The following PAXBP1 variants were observed in gnomAD, a reference collection of about 807,000 sequenced individuals.
The protein encoded by PAXBP1 is PAX3 and PAX7 binding protein 1, also known as PAX3- and PAX7-binding protein 1.
A neutral mutation model predicts 119.9 loss-of-function variants in PAXBP1; 44 were observed. The observed-to-expected ratio is 0.37, with a 90% CI of 0.29 to 0.47. The LOEUF (loss-of-function observed/expected upper bound fraction) is 0.47. Among genes scored for constraint, PAXBP1 ranks in the 20% least tolerant of loss-of-function variants. The pLI, the probability that PAXBP1 is intolerant of heterozygous loss-of-function variation, is 0.99. For missense variants in PAXBP1, 898 were observed against 1,134.1 expected (o/e 0.79, Z 2.99); for synonymous variants, 393 against 406.6 (o/e 0.97, Z 0.40).
intron 8 of PAXBP1, among the ~76,000 whole-genome samples, chr21:32,753,880 C>T (rs1013327422): frequency 6.6e-6 from 1 of 152,182 alleles, no homozygotes; most frequent in African/African-American, 2.4e-5. Flanking sequence ...ATGTACAGCT[C>T]ACACAAACCA....
At chr21:32,740,093 C>T (rs926313067) in intron 15 of PAXBP1, among the ~76,000 whole-genome samples, 1 of 152,046 alleles carries the variant, frequency 6.6e-6, no homozygotes, top group African/African-American at 2.4e-5. Flanking sequence ...AAGCTGGGGA[C>T]CCCGCTGAGG....
intron 15 of PAXBP1, among the ~76,000 whole-genome samples, chr21:32,742,007 G>C (rs1164916074): frequency 6.6e-6 from 1 of 152,178 alleles, no homozygotes; most frequent in Non-Finnish European, 1.5e-5. Context: ...AGTGGAAGCA[G>C]CCAGACTCAA....
rs1336549755 is a variant in PAXBP1 at position 32,771,615 on chromosome 21, C to G, written c.54G>C (p.Glu18Asp). 2.0e-6 allele frequency: 3 copies of G among 1,467,568 alleles called. No homozygotes were observed. Among genetic ancestry groups the G allele is most frequent in the Non-Finnish European group, 1.8e-6 (2 of 1,115,098 alleles). The allele number at this position is 1,467,568 out of a possible 1,614,324, so 90.9% of individuals were successfully genotyped here. Residue 18 changes from glutamate (E) to aspartate (D), a missense_variant, in exon 1 of 18, where the codon GAG becomes GAC. Physicochemically the swap from Glu to Asp is conservative, Grantham distance 45. This residue lies in a region of PAXBP1 where 299 missense variants were observed against 281.4 expected (regional missense o/e 1.06). Transcript: ENST00000331923. ...VNVRKRNDSEEEERERDEEQE... is the reference protein window; with the variant it reads ...VNVRKRNDSEDEERERDEEQE... ...GCTCCTCATCGCGTTCCCGCTCTTCCTCTTCGGAGTCGTTCCGCTTGCGCA... is the reference window on the plus strand; with the variant it reads ...GCTCCTCATCGCGTTCCCGCTCTTCGTCTTCGGAGTCGTTCCGCTTGCGCA...
chr21:32,748,967 C>T (rs552418398), intron 10 of PAXBP1, among the ~76,000 whole-genome samples: 10 of 152,248 alleles, frequency 6.6e-5, no homozygotes, highest in Non-Finnish European at 1.0e-4. Context: ...AACCTGTTCC[C>T]AAACAAGATG....
At chr21:32,740,000 T>A (rs952323064) in intron 15 of PAXBP1, among the ~76,000 whole-genome samples, 2 of 139,360 alleles carry the variant, frequency 1.4e-5, no homozygotes, top group Admixed American at 7.3e-5. Context: ...AACCCTTCCA[T>A]GACACATATA....
chr21:32,738,674 G>A (rs1402691407), intron 15 of PAXBP1, among the ~76,000 whole-genome samples: 3 of 151,524 alleles, frequency 2.0e-5, no homozygotes, highest in East Asian at 1.9e-4. Context: ...CCCCCACCCC[G>A]CCCCGCGCTG....
chr21:32,739,716 C>T (rs1327649428), intron 15 of PAXBP1, among the ~76,000 whole-genome samples: 1 of 151,464 alleles, frequency 6.6e-6, no homozygotes, highest in Non-Finnish European at 1.5e-5. Flanking sequence ...ACCATCCTGG[C>T]TAACATGATG....
intron 4 of PAXBP1, among the ~76,000 whole-genome samples, chr21:32,761,411 T>C (rs147419883): frequency 2.0e-5 from 3 of 152,174 alleles, no homozygotes; most frequent in Admixed American, 2.0e-4. Context: ...TCTGTAAACT[T>C]GACATCAACA....
chr21:32,738,917 C>T (rs1198736060), intron 15 of PAXBP1, among the ~76,000 whole-genome samples: 2 of 152,166 alleles, frequency 1.3e-5, no homozygotes, highest in Non-Finnish European at 2.9e-5. Context: ...CAGCTGCTTG[C>T]GGCAGAGGTC....
intron 15 of PAXBP1, chr21:32,741,762 G>A: frequency 2.1e-6 from 1 of 475,930 alleles, no homozygotes; most frequent in South Asian, 3.3e-5. Context: ...CCCGCCTGGG[G>A]CAACAGGGAT....
At chr21:32,762,415 C>A (rs1385204035) in intron 3 of PAXBP1, 98 bp from the exon 4 acceptor site, 1 of 1,454,296 alleles carries the variant, frequency 6.9e-7, no homozygotes. Context: ...AGCCTCATCA[C>A]AGTGATGTTT....
chr21:32,747,517 T>C (rs1445317438), intron 11 of PAXBP1, among the ~76,000 whole-genome samples: 1 of 152,232 alleles, frequency 6.6e-6, no homozygotes, highest in Non-Finnish European at 1.5e-5. Context: ...TCAGAAGGTC[T>C]GGCCAAGAGC....
At chr21:32,753,390 C>T (rs1486186963) in intron 8 of PAXBP1, among the ~76,000 whole-genome samples, 1 of 139,390 alleles carries the variant, frequency 7.2e-6, no homozygotes, top group Admixed American at 7.8e-5. Context: ...TGCGCCATTG[C>T]ACTCCAGCCT....
At chr21:32,757,644 G>A (rs1011126083) in intron 7 of PAXBP1, among the ~76,000 whole-genome samples, 10 of 152,166 alleles carry the variant, frequency 6.6e-5, no homozygotes, top group African/African-American at 2.4e-4. Flanking sequence ...AGTTGTGTTT[G>A]CAATTATGAA....
At chr21:32,735,344 C>CA (rs1308279518) in intron 17 of PAXBP1, among the ~76,000 whole-genome samples, 4 of 152,114 alleles carry the variant, frequency 2.6e-5, no homozygotes, top group African/African-American at 9.7e-5. Flanking sequence ...CAATGAGTTT[C>CA]ATTAATATTG....
chr21:32,739,730 C>A (rs1431509432), intron 15 of PAXBP1, among the ~76,000 whole-genome samples: 1 of 151,452 alleles, frequency 6.6e-6, no homozygotes, highest in Non-Finnish European at 1.5e-5. Context: ...CATGATGAAA[C>A]CCCGTCTCTA....
At chr21:32,739,938 TAA>T (rs756477858) in intron 15 of PAXBP1, among the ~76,000 whole-genome samples, 12 of 47,044 alleles carry the variant, frequency 2.6e-4, no homozygotes, top group African/African-American at 8.2e-4. Flanking sequence ...CTCGTCTCTT[TAA>T]AAAAAAAAAA....
At chr21:32,750,796 A>C in intron 10 of PAXBP1, 121 bp downstream of exon 10, 1 of 707,612 alleles carries the variant, frequency 1.4e-6, no homozygotes, top group Non-Finnish European at 2.3e-6. Context: ...TTCTGCAATT[A>C]AAAAAGAAGT....
At chr21:32,754,438 A>G (rs75343114) in intron 8 of PAXBP1, among the ~76,000 whole-genome samples, 1,965 of 152,340 alleles carry the variant, frequency 0.013, 51 homozygotes, top group African/African-American at 0.045. Flanking sequence ...CAAGGAATTC[A>G]CACTAGGAAA....
Sources: allele counts gnomAD v4.1 joint callset (sites outside exome capture counted in the v4.1 genomes callset), GRCh38; gene constraint gnomAD v4.1.1; regional missense constraint gnomAD v4.1.1; transcripts MANE v1.5; gene names NCBI Gene and HGNC (gene_info 2026-07-23, HGNC 2026-07-21).